Variants in SNX29 observed in about 807,000 individuals in gnomAD.
SNX29 encodes sorting nexin 29.
In SNX29, 78 loss-of-function variants were observed where a neutral mutation model predicts 102.1. The ratio of observed to expected loss-of-function variants is 0.76; its 90% CI spans 0.64 to 0.92. SNX29 has a LOEUF of 0.92. Among genes scored for constraint, SNX29 ranks in the 40% least tolerant of loss-of-function variants. The probability of loss-of-function intolerance (pLI) is 0.00; values close to 1 mark genes in which losing one functional copy is unlikely to be tolerated. For synonymous variants in SNX29, 580 were observed against 414.5 expected (o/e 1.40, Z -4.85); for missense variants, 1,280 against 1,061.7 (o/e 1.21, Z -2.86).
At chr16:12,413,271 G>C (rs1299104635) in intron 18 of SNX29, among the ~76,000 whole-genome samples, 1 of 152,116 alleles carries the variant, frequency 6.6e-6, no homozygotes, top group African/African-American at 2.4e-5. Flanking sequence ...GGCATAGCCA[G>C]GTCACTCTTG....
intron 13 of SNX29, among the ~76,000 whole-genome samples, chr16:12,163,806 A>G (rs1428697281): frequency 6.6e-6 from 1 of 152,168 alleles, no homozygotes; most frequent in Non-Finnish European, 1.5e-5. Context: ...AAGCTGATGC[A>G]GGCTCTGTTT....
intron 1 of SNX29, among the ~76,000 whole-genome samples, chr16:11,995,465 A>G (rs1014936749): frequency 1.3e-5 from 2 of 151,994 alleles, no homozygotes; most frequent in African/African-American, 2.4e-5. Flanking sequence ...CTGCAGAGAG[A>G]TCACAGCCAG....
chr16:12,251,747 A>G (rs1005593993), intron 14 of SNX29, among the ~76,000 whole-genome samples: 1 of 151,324 alleles, frequency 6.6e-6, no homozygotes, highest in Non-Finnish European at 1.5e-5. Flanking sequence ...TTCATAACTA[A>G]TTTTATTTGT....
intron 18 of SNX29, among the ~76,000 whole-genome samples, chr16:12,462,385 T>C (rs182257872): frequency 2.6e-3 from 402 of 152,274 alleles, no homozygotes; most frequent in Non-Finnish European, 4.7e-3. Flanking sequence ...ATTGGAGGTG[T>C]GTTGTCTTCA....
intron 20 of SNX29, among the ~76,000 whole-genome samples, chr16:12,547,007 C>T (rs951238522): frequency 2.0e-5 from 3 of 151,984 alleles, no homozygotes; most frequent in African/African-American, 7.3e-5. Flanking sequence ...ATTTCAGATC[C>T]TGATAGTTCA....
chr16:12,556,857 A>AGTT (rs1484638873), intron 20 of SNX29, among the ~76,000 whole-genome samples: 1 of 150,776 alleles, frequency 6.6e-6, no homozygotes, highest in East Asian at 2.0e-4. Context: ...GAAAAAATTG[A>AGTT]ATTTTTTTTT....
chr16:12,446,047 CTTTTTTTTTTTTTTTTT>C (rs60889973), intron 18 of SNX29, among the ~76,000 whole-genome samples: 4 of 98,592 alleles, frequency 4.1e-5, no homozygotes, highest in African/African-American at 1.7e-4. Flanking sequence ...GCTTCTCATT[CTTTTTTTTTTTTTTTTT>C]TTTTTTTTTG....
intron 11 of SNX29, among the ~76,000 whole-genome samples, chr16:12,124,631 A>T (rs1256665352): frequency 6.6e-6 from 1 of 152,220 alleles, no homozygotes; most frequent in East Asian, 1.9e-4. Context: ...GTATTTCAGT[A>T]CATTACAGGA....
At chr16:12,185,607 C>T (rs1653338586) in intron 13 of SNX29, among the ~76,000 whole-genome samples, 2 of 152,144 alleles carry the variant, frequency 1.3e-5, no homozygotes, top group South Asian at 4.1e-4. Context: ...TGGCCCACAT[C>T]GTTGTATTTT....
At chr16:12,412,733 A>G (rs2084453928) in intron 18 of SNX29, among the ~76,000 whole-genome samples, 1 of 152,268 alleles carries the variant, frequency 6.6e-6, no homozygotes, top group Admixed American at 6.5e-5. Context: ...TTGGAAAGCT[A>G]AAGACATGGG....
chr16:12,479,013 A>G (rs1390285031), intron 19 of SNX29, among the ~76,000 whole-genome samples: 2 of 152,160 alleles, frequency 1.3e-5, no homozygotes, highest in African/African-American at 4.8e-5. Context: ...GACATCGGGC[A>G]TTGTATTGAG....
intron 16 of SNX29, among the ~76,000 whole-genome samples, chr16:12,369,501 C>T (rs947854999): frequency 6.6e-6 from 1 of 152,154 alleles, no homozygotes; most frequent in East Asian, 1.9e-4. Flanking sequence ...GGGGCAACCG[C>T]GTGGGACTCC....
At chr16:12,414,943 G>A (rs1007021287) in intron 18 of SNX29, among the ~76,000 whole-genome samples, 4 of 152,088 alleles carry the variant, frequency 2.6e-5, no homozygotes, top group African/African-American at 7.2e-5. Flanking sequence ...GGCTGGTCTC[G>A]AACTCCTAAC....
At chr16:12,019,243 T>G (rs1267377591) in intron 3 of SNX29, among the ~76,000 whole-genome samples, 1 of 152,198 alleles carries the variant, frequency 6.6e-6, no homozygotes, top group Non-Finnish European at 1.5e-5. Flanking sequence ...AGTCTCGCTC[T>G]GTCACCCAGG....
intron 14 of SNX29, among the ~76,000 whole-genome samples, chr16:12,213,137 C>CA (rs1421203057): frequency 5.3e-5 from 8 of 151,488 alleles, no homozygotes; most frequent in South Asian, 4.2e-4. Context: ...CACAAACAAA[C>CA]AAAAAAAACT....
intron 4 of SNX29, among the ~76,000 whole-genome samples, chr16:12,039,189 A>T (rs3971416): frequency 1.3e-5 from 2 of 152,236 alleles, no homozygotes; most frequent in African/African-American, 4.8e-5. Context: ...GCCCTCTGCT[A>T]TGAAGGGAAT....
intron 18 of SNX29, among the ~76,000 whole-genome samples, chr16:12,459,801 T>A (rs2086700577): frequency 6.6e-6 from 1 of 152,198 alleles, no homozygotes; most frequent in African/African-American, 2.4e-5. Flanking sequence ...TTTCCAGCTC[T>A]TGCTTTTTTT....
chr16:11,994,663 A>G (rs1412680382), intron 1 of SNX29, among the ~76,000 whole-genome samples: 1 of 152,206 alleles, frequency 6.6e-6, no homozygotes, highest in Non-Finnish European at 1.5e-5. Flanking sequence ...TTAATGACTT[A>G]GCCTGTGGTT....
intron 1 of SNX29, among the ~76,000 whole-genome samples, chr16:11,983,902 C>G (rs1224261273): frequency 6.6e-6 from 1 of 152,130 alleles, no homozygotes; most frequent in Admixed American, 6.5e-5. Flanking sequence ...GGGGTGAACA[C>G]TGGTTCTCAG....
Sources: allele counts gnomAD v4.1 joint callset (sites outside exome capture counted in the v4.1 genomes callset), GRCh38; gene constraint gnomAD v4.1.1; transcripts MANE v1.5; gene names NCBI Gene and HGNC (gene_info 2026-07-23, HGNC 2026-07-21).